Variants in SLC9C2 observed in about 807,000 individuals in gnomAD.
SLC9C2 encodes the protein sodium/hydrogen exchanger 11.
A neutral mutation model predicts 140.2 loss-of-function variants in SLC9C2; 75 were observed. That is an observed-to-expected ratio of 0.53 (90% CI 0.44 to 0.65). The LOEUF is 0.65. Among genes scored for constraint, SLC9C2 ranks in the 30% least tolerant of loss-of-function variants. The probability of loss-of-function intolerance (pLI) is 0.00; values close to 1 mark genes in which losing one functional copy is unlikely to be tolerated. For missense variants in SLC9C2, 1,074 were observed against 1,331.8 expected, an observed-to-expected ratio of 0.81 and a Z score of 3.01; for synonymous variants, 375 against 420.9, an observed-to-expected ratio of 0.89 and a Z score of 1.34.
intron 3 of SLC9C2, among the ~76,000 whole-genome samples, chr1:173,599,084 A>G (rs1044236771): frequency 3.9e-5 from 6 of 152,108 alleles, no homozygotes; most frequent in Admixed American, 3.9e-4. Context: ...CATGATGAAC[A>G]CAACTGCTGC....
At chr1:173,569,096 T>G (rs188931190) in intron 9 of SLC9C2, among the ~76,000 whole-genome samples, 197 of 152,224 alleles carry the variant, frequency 1.3e-3, no homozygotes, top group Admixed American at 3.7e-3. Context: ...TGGGTAAAAG[T>G]TATTTTCCTT....
chr1:173,550,005 G>A (rs533732525), intron 11 of SLC9C2, among the ~76,000 whole-genome samples: 2 of 152,170 alleles, frequency 1.3e-5, no homozygotes, highest in South Asian at 4.1e-4. Context: ...AAAGGGATTT[G>A]GTAGGAAGGA....
intron 8 of SLC9C2, 86 bp downstream of exon 8, chr1:173,576,575 A>G: frequency 1.3e-6 from 1 of 742,394 alleles, no homozygotes; most frequent in South Asian, 2.1e-5. Context: ...TTATGGAAAA[A>G]GAGTTTTACT....
chr1:173,513,114 T>TTTG (rs375485855), intron 23 of SLC9C2, among the ~76,000 whole-genome samples: 2,231 of 151,986 alleles, frequency 0.015, 59 homozygotes, highest in African/African-American at 0.048. Flanking sequence ...AAGTTTTCTT[T>TTTG]TTGTTGTTGT....
intron 9 of SLC9C2, among the ~76,000 whole-genome samples, chr1:173,568,241 A>G (rs1338095766): frequency 6.6e-6 from 1 of 152,182 alleles, no homozygotes; most frequent in Non-Finnish European, 1.5e-5. Context: ...TATTAAGCCC[A>G]GTACCTAATA....
chr1:173,591,286 G>A (rs545396700), intron 4 of SLC9C2, among the ~76,000 whole-genome samples: 3 of 152,086 alleles, frequency 2.0e-5, no homozygotes, highest in Non-Finnish European at 2.9e-5. Flanking sequence ...ATTGATGGGC[G>A]TTAAGTTGAT....
chr1:173,575,652 C>A (rs1665128641), intron 8 of SLC9C2, among the ~76,000 whole-genome samples: 1 of 152,256 alleles, frequency 6.6e-6, no homozygotes, highest in African/African-American at 2.4e-5. Context: ...ACTCGGCTCA[C>A]TGCAAGCTCC....
At chr1:173,550,639 A>G (rs1663212035) in intron 11 of SLC9C2, among the ~76,000 whole-genome samples, 2 of 151,534 alleles carry the variant, frequency 1.3e-5, no homozygotes, top group South Asian at 4.2e-4. Context: ...GGGTTTCACC[A>G]TGTTGGCCAG....
chr1:173,521,208 T>A, intron 22 of SLC9C2, 93 bp downstream of exon 22: 1 of 719,402 alleles, frequency 1.4e-6, no homozygotes, highest in Non-Finnish European at 2.1e-6. Flanking sequence ...AAATTTAAAC[T>A]TTTTCAGTAT....
intron 23 of SLC9C2, among the ~76,000 whole-genome samples, chr1:173,511,029 CT>C (rs71111066): frequency 3.8e-3 from 330 of 86,740 alleles, no homozygotes; most frequent in African/African-American, 0.014. Flanking sequence ...CTTTCTTTTC[CT>C]TTTTTTTTTT....
intron 4 of SLC9C2, among the ~76,000 whole-genome samples, chr1:173,595,077 T>C (rs1217374708): frequency 2.0e-5 from 3 of 152,140 alleles, no homozygotes; most frequent in African/African-American, 7.2e-5. Flanking sequence ...TTTTTTGTAT[T>C]TTTAGTAGAA....
chr1:173,581,514 A>T (rs1483744238), intron 7 of SLC9C2, among the ~76,000 whole-genome samples: 1 of 152,184 alleles, frequency 6.6e-6, no homozygotes, highest in African/African-American at 2.4e-5. Flanking sequence ...CAGTTTGCAG[A>T]TGGTTTGTTC....
At chr1:173,563,083 A>AC (rs1664222870) in intron 9 of SLC9C2, among the ~76,000 whole-genome samples, 1 of 151,792 alleles carries the variant, frequency 6.6e-6, no homozygotes, top group Non-Finnish European at 1.5e-5. Context: ...ATCTGAAGCC[A>AC]CGGGGGGCCA....
chr1:173,592,398 G>T (rs10798293), intron 4 of SLC9C2, among the ~76,000 whole-genome samples: 35,107 of 152,130 alleles, frequency 0.23, 5,374 homozygotes, highest in East Asian at 0.68. Flanking sequence ...GTTCTGTGAA[G>T]AACATCTTCG....
intron 20 of SLC9C2, among the ~76,000 whole-genome samples, chr1:173,524,336 A>G (rs748335332): frequency 3.9e-5 from 6 of 152,166 alleles, no homozygotes; most frequent in Non-Finnish European, 7.3e-5. Flanking sequence ...TTCAATTGAC[A>G]CAGTGGATGG....
At chr1:173,545,419 T>C (rs1186783986) in intron 13 of SLC9C2, among the ~76,000 whole-genome samples, 1 of 152,068 alleles carries the variant, frequency 6.6e-6, no homozygotes, top group Non-Finnish European at 1.5e-5. Flanking sequence ...ATGGGGAGAA[T>C]TGGTATGTGT....
intron 16 of SLC9C2, among the ~76,000 whole-genome samples, chr1:173,534,171 C>T (rs992339649): frequency 2.0e-5 from 3 of 152,072 alleles, no homozygotes; most frequent in Non-Finnish European, 4.4e-5. Flanking sequence ...TTCTTATTCA[C>T]TTATTTATTT....
At chr1:173,565,391 G>T (rs190360671) in intron 9 of SLC9C2, among the ~76,000 whole-genome samples, 2 of 152,286 alleles carry the variant, frequency 1.3e-5, no homozygotes, top group East Asian at 3.9e-4. Flanking sequence ...TGCATGTGGT[G>T]AGAGTTAGGT....
At chr1:173,524,633 T>C in intron 20 of SLC9C2, 146 bp downstream of exon 20, 3 of 842,960 alleles carry the variant, frequency 3.6e-6, no homozygotes, top group Non-Finnish European at 5.4e-6. Context: ...TCGGCATTCG[T>C]TGTCCTTTGC....
Sources: allele counts gnomAD v4.1 joint callset (sites outside exome capture counted in the v4.1 genomes callset), GRCh38; gene constraint gnomAD v4.1.1; transcripts MANE v1.5; gene names NCBI Gene and HGNC (gene_info 2026-07-23, HGNC 2026-07-21).